The following SLC8A1 variants were observed in gnomAD, a reference collection of about 807,000 sequenced individuals.
SLC8A1 encodes the protein solute carrier family 8 member A1, also known as sodium/calcium exchanger 1.
SLC8A1 carries 18 observed loss-of-function variants against 68.3 expected under a neutral mutation model. That is an observed-to-expected ratio of 0.26 (90% CI 0.18 to 0.39). The LOEUF (loss-of-function observed/expected upper bound fraction) is 0.39, where lower values mean the gene tolerates loss of function less well. Ranked by LOEUF, SLC8A1 falls within the 10% of genes least tolerant of loss-of-function variation. The probability of loss-of-function intolerance (pLI) is 1.00; values close to 1 mark genes in which losing one functional copy is unlikely to be tolerated. For synonymous variants in SLC8A1, 475 were observed against 415.5 expected (o/e 1.14, Z -1.74); for missense variants, 985 against 1,156.7 (o/e 0.85, Z 2.15).
At chr2:40,326,700 T>C (rs906845385) in intron 2 of SLC8A1, among the ~76,000 whole-genome samples, 1 of 152,244 alleles carries the variant, frequency 6.6e-6, no homozygotes, top group Admixed American at 6.5e-5. Flanking sequence ...TGGTCATCAC[T>C]ACTATGGGCT....
At chr2:40,148,987 G>C (rs1406438786) in intron 6 of SLC8A1, among the ~76,000 whole-genome samples, 2 of 152,088 alleles carry the variant, frequency 1.3e-5, no homozygotes, top group African/African-American at 4.8e-5. Context: ...ATGTTGTGAT[G>C]TTTTTCTTCA....
chr2:40,478,224 C>T lies in SLC8A1; in HGVS notation c.-25+34125G>A, dbSNP rs183711338. Among the ~76,000 whole-genome samples the T allele has an allele frequency of 8.4e-4, 92 of 109,914 alleles. 2 individuals are homozygous for T. The Admixed American group carries it at 8.8e-3, about 10-fold the overall frequency. 72.1% of individuals were successfully genotyped at this position (109,914 alleles called of 152,430 possible). ...TCTCCACACAAGCTGATACACCCAC[C>T]CGCCCTCACACACAATCAGAGTCCA... On this transcript the variant is annotated intron_variant, in intron 1 of 7. Coordinates refer to the SLC8A1 transcript ENST00000402441.
At chr2:40,139,662 C>G in exon 7 of SLC8A1, 1 of 1,613,776 alleles carries the variant, frequency 6.2e-7, no homozygotes, top group Non-Finnish European at 8.5e-7. Context: ...CATTCATCGT[C>G]GTCATCATCT....
intron 2 of SLC8A1, among the ~76,000 whole-genome samples, chr2:40,366,167 T>A (rs1015828859): frequency 6.6e-6 from 1 of 152,026 alleles, no homozygotes; most frequent in African/African-American, 2.4e-5. Flanking sequence ...ACCCACCTCA[T>A]AAGGGCACTG....
At chr2:40,477,853 T>C (rs1704388034) in intron 1 of SLC8A1, among the ~76,000 whole-genome samples, 2 of 152,168 alleles carry the variant, frequency 1.3e-5, no homozygotes. Context: ...TTAGCATAGC[T>C]TGATGTGGCT....
chr2:40,444,055 G>A (rs1700991358), intron 1 of SLC8A1, among the ~76,000 whole-genome samples: 1 of 152,094 alleles, frequency 6.6e-6, no homozygotes, highest in Non-Finnish European at 1.5e-5. Context: ...ACGTCATCTA[G>A]GCCAGGTACA....
intron 1 of SLC8A1, among the ~76,000 whole-genome samples, chr2:40,462,480 T>G (rs537537194): frequency 1.3e-5 from 2 of 152,014 alleles, no homozygotes; most frequent in African/African-American, 4.8e-5. Context: ...TTTTCTTTTT[T>G]TTTTTTCTTT....
chr2:40,432,401 T>TGTGTGTGTGTGTGTGTGTG (rs1553607883), intron 1 of SLC8A1, among the ~76,000 whole-genome samples: 2 of 128,734 alleles, frequency 1.6e-5, no homozygotes, highest in South Asian at 2.9e-4. Context: ...GAGTGTGAGA[T>TGTGTGTGTGTGTGTGTGTG]TGTGTGTGTG....
At chr2:40,216,018 T>TG (rs1484140619) in intron 2 of SLC8A1, among the ~76,000 whole-genome samples, 1 of 151,778 alleles carries the variant, frequency 6.6e-6, no homozygotes, top group African/African-American at 2.4e-5. Context: ...TATGCTTTTT[T>TG]TTTTTTACAA....
At chr2:40,104,561 A>G (rs2125035100) in exon 8 of SLC8A1, 1 of 152,318 alleles carries the variant, frequency 6.6e-6, no homozygotes, top group South Asian at 2.1e-4. Context: ...GCAATCTCAA[A>G]TTGATAAAAT....
At chr2:40,298,955 A>G (rs2070928252) in intron 2 of SLC8A1, among the ~76,000 whole-genome samples, 1 of 152,094 alleles carries the variant, frequency 6.6e-6, no homozygotes, top group South Asian at 2.1e-4. Context: ...ACTCCCCCCA[A>G]AAGTGGCCAC....
intron 2 of SLC8A1, among the ~76,000 whole-genome samples, chr2:40,248,879 T>C (rs1009535436): frequency 2.6e-5 from 4 of 152,146 alleles, no homozygotes; most frequent in African/African-American, 9.7e-5. Flanking sequence ...TATCTATGCA[T>C]AGTGAAGTAA....
intron 4 of SLC8A1, among the ~76,000 whole-genome samples, chr2:40,166,834 G>T (rs2046626340): frequency 6.6e-6 from 1 of 152,184 alleles, no homozygotes; most frequent in Non-Finnish European, 1.5e-5. Flanking sequence ...GGCTGAACAT[G>T]GATGAGTTGA....
intron 2 of SLC8A1, among the ~76,000 whole-genome samples, chr2:40,383,197 G>A (rs944830490): frequency 9.9e-5 from 15 of 152,038 alleles, no homozygotes; most frequent in Non-Finnish European, 1.6e-4. Flanking sequence ...CATAAATCAT[G>A]GAGCAAAGTT....
At chr2:40,205,751 A>G (rs968418538) in intron 2 of SLC8A1, among the ~76,000 whole-genome samples, 2 of 151,598 alleles carry the variant, frequency 1.3e-5, no homozygotes, top group Admixed American at 1.3e-4. Context: ...TCTCCATGAC[A>G]CAAGTTTACC....
At chr2:40,327,909 T>A (rs1328686246) in intron 2 of SLC8A1, among the ~76,000 whole-genome samples, 1 of 151,428 alleles carries the variant, frequency 6.6e-6, no homozygotes, top group Non-Finnish European at 1.5e-5. Flanking sequence ...AAATAAAAGC[T>A]GAAATTATTT....
intron 1 of SLC8A1, among the ~76,000 whole-genome samples, chr2:40,494,968 A>G (rs547277757): frequency 5.9e-4 from 90 of 151,956 alleles, no homozygotes; most frequent in African/African-American, 2.1e-3. Context: ...TTTACAAATG[A>G]AAAAACTGAA....
At chr2:40,134,448 A>G (rs1224680648) in intron 7 of SLC8A1, among the ~76,000 whole-genome samples, 2 of 152,128 alleles carry the variant, frequency 1.3e-5, no homozygotes, top group Non-Finnish European at 2.9e-5. Flanking sequence ...AAGGGATCAT[A>G]GAAGAGAAAA....
chr2:40,428,761 T>C lies in SLC8A1; in HGVS notation c.1520A>G (p.Asp507Gly). 1.2e-6 allele frequency: 2 copies of C among 1,613,836 alleles called. No individual in the cohort carries two copies. The highest frequency in any genetic ancestry group is 1.7e-5 in the Admixed American group (1 of 59,898). Residue 507 changes from aspartate (D) to glycine (G), a missense_variant, in exon 2 of 8, where the codon GAT (aspartate) becomes GGT (glycine). This residue lies in a region of SLC8A1 where 584 missense variants were observed against 565.9 expected (regional missense o/e 1.03). Coordinates refer to ENST00000406785, the Ensembl canonical transcript of SLC8A1. The stretch of plus-strand genomic sequence containing the variant: ...AACATGATTGGCTTCCAGTATGCCA[T>C]CTTCTGAAGCTTCAGAAGATACTTT...
Sources: allele counts gnomAD v4.1 joint callset (sites outside exome capture counted in the v4.1 genomes callset), GRCh38; gene constraint gnomAD v4.1.1; regional missense constraint gnomAD v4.1.1; transcripts MANE v1.5; gene names NCBI Gene and HGNC (gene_info 2026-07-23, HGNC 2026-07-21).